Variants in ZNF57 observed in about 807,000 individuals in gnomAD.
The protein encoded by ZNF57 is zinc finger protein 424.
A neutral mutation model predicts 13.4 loss-of-function variants in ZNF57; 11 were observed. The observed-to-expected ratio is 0.82, with a 90% CI of 0.52 to 1.36. ZNF57 has a LOEUF of 1.36. Among genes scored for constraint, ZNF57 ranks in the 40% most tolerant of loss-of-function variants. The probability of loss-of-function intolerance (pLI) is 0.00; values close to 1 mark genes in which losing one functional copy is unlikely to be tolerated. For missense variants in ZNF57, 696 were observed against 667.5 expected (o/e 1.04, Z -0.47); for synonymous variants, 224 against 238.5 (o/e 0.94, Z 0.56).
chr19:2,905,986 G>A (rs1431672733), intron 1 of ZNF57, among the ~76,000 whole-genome samples: 5 of 152,100 alleles, frequency 3.3e-5, no homozygotes, highest in Admixed American at 1.3e-4. Context: ...TCCTCAGTCC[G>A]CGTGCCATCT....
At chr19:2,909,281 G>GT (rs753880478) in intron 1 of ZNF57, among the ~76,000 whole-genome samples, 3,075 of 107,078 alleles carry the variant, frequency 0.029, 299 homozygotes, top group African/African-American at 0.092. Flanking sequence ...ATTTATTTTT[G>GT]TTTTTTTTTT....
chr19:2,915,853 T>C, intron 2 of ZNF57: 3 of 994,346 alleles, frequency 3.0e-6, no homozygotes, highest in Non-Finnish European at 4.6e-6. Flanking sequence ...GGACTTGAAG[T>C]TCCTTTAGTG....
At chr19:2,911,960 C>G (rs1682270594) in intron 1 of ZNF57, among the ~76,000 whole-genome samples, 1 of 152,196 alleles carries the variant, frequency 6.6e-6, no homozygotes, top group African/African-American at 2.4e-5. Flanking sequence ...ATGAGGGGTT[C>G]TGCTTTATCT....
chr19:2,903,144 G>T (rs1376835347), intron 1 of ZNF57, among the ~76,000 whole-genome samples: 1 of 152,212 alleles, frequency 6.6e-6, no homozygotes, highest in African/African-American at 2.4e-5. Context: ...GCTTGTGGGC[G>T]TTTTAGCCTT....
rs914666671 is a variant in ZNF57 at position 2,917,272 on chromosome 19, T to G, written c.651T>G (p.Thr217=). ...GTTACCTCTCCCACCACGTAAAGACTCACACAGCAGAGAAAACCTACAAAT... is the reference window on the plus strand; with the variant it reads ...GTTACCTCTCCCACCACGTAAAGACGCACACAGCAGAGAAAACCTACAAAT... ...HPRYLSHHVK[T]HTAEKTYKCE... Residue 217 remains threonine (T), a synonymous_variant, in exon 4 of 4, where the codon ACT becomes ACG. Transcript: ENST00000306908. 6.2e-7 allele frequency: 1 copy of G among 1,614,042 alleles called. No homozygotes were observed. Among genetic ancestry groups the G allele is most frequent in the Non-Finnish European group, 8.5e-7 (1 of 1,179,946 alleles).
At chr19:2,906,785 A>G (rs1015507374) in intron 1 of ZNF57, among the ~76,000 whole-genome samples, 5 of 152,166 alleles carry the variant, frequency 3.3e-5, no homozygotes, top group Admixed American at 2.0e-4. Flanking sequence ...CCTCGGTGCC[A>G]TAAGTATCAT....
intron 2 of ZNF57, 138 bp from the exon 3 acceptor site, chr19:2,915,940 G>T (rs994408916): frequency 5.4e-5 from 56 of 1,029,850 alleles, no homozygotes; most frequent in Non-Finnish European, 7.6e-5. Context: ...GTGACTTACT[G>T]TGTTTGTGAA....
chr19:2,901,230 G>C (rs1048598175), intron 1 of ZNF57, among the ~76,000 whole-genome samples, 182 bp downstream of exon 1: 3 of 148,742 alleles, frequency 2.0e-5, no homozygotes, highest in East Asian at 2.0e-4. Flanking sequence ...GGGCAGTTTG[G>C]GGGGACGGAA....
intron 1 of ZNF57, 76 bp downstream of exon 1, chr19:2,901,124 T>C: frequency 2.5e-5 from 1 of 39,228 alleles, no homozygotes; most frequent in Admixed American, 5.5e-4. Context: ...TCCGCCGAAG[T>C]CTGCGGCCGG....
intron 1 of ZNF57, among the ~76,000 whole-genome samples, chr19:2,908,178 T>A (rs147285544): frequency 3.9e-4 from 60 of 152,356 alleles, no homozygotes; most frequent in African/African-American, 1.4e-3. Flanking sequence ...AATCTTTTTC[T>A]AGGATTATCT....
Position 2,917,602 on chromosome 19 carries a change from G to T in ZNF57, c.981G>T (p.Met327Ile). Residue 327 changes from methionine (M) to isoleucine (I), a missense_variant, in exon 4 of 4, where the codon ATG becomes ATT. Met to Ile is a conservative substitution (Grantham distance 10, BLOSUM62 1). Around this residue, in one of 3 missense-constraint regions of ZNF57, gnomAD observed 645 missense variants for 591.5 expected, o/e 1.09. Transcript: ENST00000306908. ...FSWSETLRVH[M>I]RIHTGDKLYK... is the part of the protein sequence containing the mutation. ...GGTCTGAAACCTTGCGAGTCCACAT[G>T]AGGATCCACACTGGGGACAAACTCT... The T allele has an allele frequency of 1.9e-6, 3 of 1,613,484 alleles. No homozygotes were observed. The highest frequency in any genetic ancestry group is 2.5e-6 in the Non-Finnish European group (3 of 1,179,700).
chr19:2,903,993 G>A (rs11672199), intron 1 of ZNF57, among the ~76,000 whole-genome samples: 7,734 of 152,282 alleles, frequency 0.051, 227 homozygotes, highest in Non-Finnish European at 0.059. Flanking sequence ...GGGATTACAG[G>A]CGTGAGCCAC....
At chr19:2,903,072 C>T (rs1459076730) in intron 1 of ZNF57, among the ~76,000 whole-genome samples, 1 of 152,166 alleles carries the variant, frequency 6.6e-6, no homozygotes, top group Non-Finnish European at 1.5e-5. Flanking sequence ...ACAGCCGCAG[C>T]GGGAACTGTT....
At position 2,900,941 on chromosome 19, in the gene ZNF57, G is replaced by T. The variant is rs2088022978; in HGVS notation, c.-105G>T. On this transcript the variant is annotated 5_prime_UTR_variant, in exon 1 of 4. Transcript: ENST00000306908. Reference sequence around the variant, plus strand: ...GGACGTTTCGTCCTCCCTGCCGCGCGTGCCCTGCCTACCACGAGCGGCCCG... The same window carrying T: ...GGACGTTTCGTCCTCCCTGCCGCGCTTGCCCTGCCTACCACGAGCGGCCCG... The T allele has an allele frequency of 2.1e-6, 3 of 1,452,188 alleles. No homozygotes were observed. The highest frequency in any genetic ancestry group is 2.9e-5 in the African/African-American group (2 of 69,534). 90.0% of individuals were successfully genotyped at this position (1,452,188 alleles called of 1,614,324 possible).
In ZNF57 at chr19:2,916,227, G is replaced by A; in HGVS notation, c.280G>A (p.Glu94Lys). 1 of 1,607,730 alleles carries A rather than the reference G, an allele frequency of 6.2e-7. No homozygotes were observed. Residue 94 changes from glutamate to lysine, a missense_variant, in exon 3 of 4, where the codon GAA (glutamate) becomes AAA (lysine). Around this residue, in one of 3 missense-constraint regions of ZNF57, gnomAD observed 645 missense variants for 591.5 expected, o/e 1.09. Transcript: ENST00000306908. ...AAAAAATTGTGAAGGCTATGGCACT[G>A]AAGACCACCACAAAAATCTGAGGTG... Reference protein sequence around the residue: ...LEKNCEGYGTEDHHKNLRNHM... With the variant: ...LEKNCEGYGTKDHHKNLRNHM...
At chr19:2,912,038 A>G (rs2088142196) in intron 1 of ZNF57, 1 of 152,218 alleles carries the variant, frequency 6.6e-6, no homozygotes, top group Non-Finnish European at 1.5e-5. Flanking sequence ...GACGCAATGT[A>G]CTGGGTGAAA....
chr19:2,905,546 C>G lies in ZNF57; in HGVS notation c.3+4498C>G, dbSNP rs187140615. ...TCTACCGGCGGAGGCGGGCGGATCACGAGGTCAGGAGATCGAGACCATCCT... is the reference window on the plus strand; with the variant it reads ...TCTACCGGCGGAGGCGGGCGGATCAGGAGGTCAGGAGATCGAGACCATCCT... On this transcript the variant is annotated intron_variant, in intron 1 of 3. Coordinates refer to ENST00000306908, the MANE Select transcript of ZNF57 (RefSeq NM_173480.3). Among the ~76,000 whole-genome samples the G allele has an allele frequency of 2.3e-3, 344 of 150,850 alleles. 3 individuals carry two copies. The highest frequency in any genetic ancestry group is 8.0e-3 in the African/African-American group (329 of 41,170).
At position 2,905,289 on chromosome 19, in the gene ZNF57, C is replaced by T. The variant is rs548968465; in HGVS notation, c.3+4241C>T. ...AAGCGATTCTTCTGCCTCAGCCTCC[C>T]GAGTAGCTGAGATTACAGGCACATG... On this transcript the variant is annotated intron_variant, in intron 1 of 3. Coordinates refer to ENST00000306908, the MANE Select transcript of ZNF57 (RefSeq NM_173480.3). 1.6e-4 allele frequency among the ~76,000 whole-genome samples: 24 copies of T among 151,400 alleles called. 1 individual carries two copies. Among genetic ancestry groups the T allele is most frequent in the Middle Eastern group, 3.4e-3 (1 of 292 alleles).
chr19:2,906,945 AT>A (rs1324824805), intron 1 of ZNF57, among the ~76,000 whole-genome samples: 1 of 151,046 alleles, frequency 6.6e-6, no homozygotes, highest in African/African-American at 2.4e-5. Context: ...CTTGCACCAG[AT>A]CCCCATGGCC....
Sources: allele counts gnomAD v4.1 joint callset (sites outside exome capture counted in the v4.1 genomes callset), GRCh38; gene constraint gnomAD v4.1.1; regional missense constraint gnomAD v4.1.1; transcripts MANE v1.5; gene names NCBI Gene and HGNC (gene_info 2026-07-23, HGNC 2026-07-21).